SGPP1: variants seen among roughly 807,000 people sequenced by gnomAD.
SGPP1 encodes sphingosine-1-phosphate phosphatase 1.
In SGPP1, 21 loss-of-function variants were observed where a neutral mutation model predicts 33.0. The ratio of observed to expected loss-of-function variants is 0.64; its 90% CI spans 0.45 to 0.92. The LOEUF (loss-of-function observed/expected upper bound fraction) is 0.92, where lower values mean the gene tolerates loss of function less well. SGPP1 is among the 40% of genes least tolerant of loss of function. The probability of loss-of-function intolerance (pLI) is 0.00; values close to 1 mark genes in which losing one functional copy is unlikely to be tolerated. For missense variants in SGPP1, 543 were observed against 589.4 expected (o/e 0.92, Z 0.81); for synonymous variants, 239 against 241.2 (o/e 0.99, Z 0.08).
chr14:63,727,526 T>G lies in SGPP1; in HGVS notation c.419A>C (p.Asn140Thr). 1 of 1,614,036 alleles carries G rather than the reference T, an allele frequency of 6.2e-7. No individual in the cohort carries two copies. Among genetic ancestry groups the G allele is most frequent in the Non-Finnish European group, 8.5e-7 (1 of 1,180,002 alleles). ...CLFCFGTELG[N>T]ELFYILFFPF... is the part of the protein sequence containing the mutation. ...GAAGAACAGGATGTAGAAGAGTTCG[T>G]TGCCCAGCTCCGTGCCGAAGCAGAA... Residue 140 changes from asparagine to threonine, a missense_variant, in exon 1 of 3, where the codon AAC becomes ACC. Physicochemically the swap from Asn to Thr is moderately conservative, Grantham distance 65. Transcript: ENST00000247225.
chr14:63,686,290 C>G lies in SGPP1; in HGVS notation c.1141G>C (p.Asp381His), dbSNP rs1333400431. The G allele has an allele frequency of 1.9e-6, 3 of 1,614,058 alleles. No individual in the cohort carries two copies. The South Asian group carries it at 3.3e-5, about 18-fold the overall frequency. ...GGAATGGTGATCTTTTTCATTACAT[C>G]TCTGATTATTAGTACAAATACCATC... ...IGMVFVLIIR[D>H]VMKKITIPLA... The change falls in exon 3 of 3, where the codon GAT becomes CAT. Residue 381 changes from aspartate (D) to histidine (H), a missense_variant. Coordinates refer to ENST00000247225, the MANE Select transcript of SGPP1 (RefSeq NM_030791.4).
At chr14:63,710,285 A>G (rs1177916305) in intron 1 of SGPP1, among the ~76,000 whole-genome samples, 1 of 152,246 alleles carries the variant, frequency 6.6e-6, no homozygotes, top group Non-Finnish European at 1.5e-5. Context: ...CTAAGGACAT[A>G]GAAATGTGGG....
In SGPP1 at chr14:63,686,243, A is replaced by G; in HGVS notation, c.1188T>C (p.Asn396=). The change falls in exon 3 of 3, where the codon AAT becomes AAC. Residue 396 remains asparagine (N), a synonymous_variant. Coordinates refer to ENST00000247225, the MANE Select transcript of SGPP1 (RefSeq NM_030791.4). The part of the protein sequence containing the change: ...ITIPLACKIF[N]IPCDDIRKAR... ...CTTTTCGAATATCATCACACGGTATATTGAAGATTTTGCAGGCTAAAGGAA... is the reference window on the plus strand; with the variant it reads ...CTTTTCGAATATCATCACACGGTATGTTGAAGATTTTGCAGGCTAAAGGAA... The G allele has an allele frequency of 6.2e-7, 1 of 1,614,168 alleles. No individual in the cohort carries two copies. The highest frequency in any genetic ancestry group is 1.3e-5 in the African/African-American group (1 of 75,056).
intron 1 of SGPP1, among the ~76,000 whole-genome samples, chr14:63,699,813 C>T (rs1395916429): frequency 1.3e-5 from 2 of 149,286 alleles, no homozygotes; most frequent in East Asian, 4.2e-4. Context: ...ACTCTAAATA[C>T]CCTCGATAGT....
At chr14:63,726,470 T>C (rs1206567650) in intron 1 of SGPP1, among the ~76,000 whole-genome samples, 1 of 152,168 alleles carries the variant, frequency 6.6e-6, no homozygotes, top group Non-Finnish European at 1.5e-5. Context: ...TTTTCCTGAT[T>C]GTCAGGCTGA....
At chr14:63,692,484 G>T (rs528246310) in intron 2 of SGPP1, among the ~76,000 whole-genome samples, 2 of 151,260 alleles carry the variant, frequency 1.3e-5, no homozygotes, top group Non-Finnish European at 2.9e-5. Context: ...AGGTCTTGCC[G>T]TGTCATTCAG....
chr14:63,687,085 G>C (rs1283286447), intron 2 of SGPP1, among the ~76,000 whole-genome samples: 1 of 152,016 alleles, frequency 6.6e-6, no homozygotes, highest in Non-Finnish European at 1.5e-5. Flanking sequence ...TTCATTCATT[G>C]AACAAATATT....
At chr14:63,698,680 ATTAG>A (rs1487674524) in intron 1 of SGPP1, 22 bp from the exon 2 acceptor site, 1 of 1,352,172 alleles carries the variant, frequency 7.4e-7, no homozygotes, top group East Asian at 2.3e-5. Context: ...AAAAAGTAAA[ATTAG>A]TTAAACAAAT....
Position 63,686,048 on chromosome 14 carries a change from A to AT in SGPP1, c.*56dup. The AT allele has an allele frequency of 9.5e-7, 1 of 1,053,976 alleles. No homozygotes were observed. Among genetic ancestry groups the AT allele is most frequent in the Non-Finnish European group, 1.3e-6 (1 of 746,208 alleles). 65.3% of individuals were successfully genotyped at this position (1,053,976 alleles called of 1,614,324 possible). The stretch of plus-strand genomic sequence containing the variant: ...TCTGACCTGGCTTTACCTGGAATAT[A>AT]TTTTTGGGTATCAGTAACTGATACC... On this transcript the variant is annotated 3_prime_UTR_variant, in exon 3 of 3. Transcript: ENST00000247225.
rs141458752 is a variant in SGPP1 at position 63,707,605 on chromosome 14, G to A, written c.685-8947C>T. Among the ~76,000 whole-genome samples, 1,117 of 150,052 alleles carry A rather than the reference G, an allele frequency of 7.4e-3. 12 individuals carry two copies. The highest frequency in any genetic ancestry group is 0.026 in the African/African-American group (1,067 of 40,748). On this transcript the variant is annotated intron_variant, in intron 1 of 2. Transcript: ENST00000247225. ...GGCTGGAGTGCAATGGCGCGATCTCGGCTCACCGCAACCTCCGCCTCCCGG... is the reference window on the plus strand; with the variant it reads ...GGCTGGAGTGCAATGGCGCGATCTCAGCTCACCGCAACCTCCGCCTCCCGG...
At chr14:63,717,373 G>A (rs1160049538) in intron 1 of SGPP1, among the ~76,000 whole-genome samples, 1 of 149,016 alleles carries the variant, frequency 6.7e-6, no homozygotes, top group Non-Finnish European at 1.5e-5. Flanking sequence ...GGAGTGCTGT[G>A]GCATGATATC....
At chr14:63,698,894 T>G (rs1885243225) in intron 1 of SGPP1, among the ~76,000 whole-genome samples, 1 of 152,228 alleles carries the variant, frequency 6.6e-6, no homozygotes, top group African/African-American at 2.4e-5. Context: ...TTCTTTATTG[T>G]GGGAACTGGC....
At chr14:63,704,962 T>C (rs1317836201) in intron 1 of SGPP1, among the ~76,000 whole-genome samples, 1 of 151,734 alleles carries the variant, frequency 6.6e-6, no homozygotes, top group Non-Finnish European at 1.5e-5. Context: ...CCTGTCTCTA[T>C]GAAAAATACA....
At chr14:63,704,859 C>G (rs1028128785) in intron 1 of SGPP1, among the ~76,000 whole-genome samples, 2 of 152,192 alleles carry the variant, frequency 1.3e-5, no homozygotes, top group Admixed American at 6.5e-5. Flanking sequence ...GGTGTGGCGG[C>G]TCAGGCCTGT....
rs759309325 is a variant in SGPP1 at position 63,727,833 on chromosome 14, C to G, written c.112G>C (p.Asp38His). The G allele has an allele frequency of 1.9e-4, 280 of 1,511,254 alleles. No homozygotes were observed. Among genetic ancestry groups the G allele is most frequent in the Middle Eastern group, 3.6e-4 (2 of 5,512 alleles). The allele number at this position is 1,511,254 out of a possible 1,614,324, so 93.6% of individuals were successfully genotyped here. ...TCCGCTTTCTCATCCTCCCTCCGGT[C>G]TGCTGAGCGGCGCGGCGGCGCTTCC... is the stretch of plus-strand genomic sequence containing the variant. ...GVEAPPRRSADRREDEKAEAP... is the reference protein window; with the variant it reads ...GVEAPPRRSAHRREDEKAEAP... The change falls in exon 1 of 3, where the codon GAC becomes CAC. Residue 38 changes from aspartate (D) to histidine (H), a missense_variant. Transcript: ENST00000247225.
intron 1 of SGPP1, among the ~76,000 whole-genome samples, chr14:63,726,459 A>G (rs202172882): frequency 6.6e-6 from 1 of 151,526 alleles, no homozygotes; most frequent in East Asian, 1.9e-4. Context: ...AAAAAAAAAA[A>G]TTTTCCTGAT....
chr14:63,723,643 G>A (rs188377490), intron 1 of SGPP1, among the ~76,000 whole-genome samples: 14 of 151,822 alleles, frequency 9.2e-5, no homozygotes, highest in Admixed American at 5.9e-4. Context: ...CGCTTGAACC[G>A]GGGAGGCAGA....
At chr14:63,691,877 A>G (rs1885099791) in intron 2 of SGPP1, among the ~76,000 whole-genome samples, 1 of 152,218 alleles carries the variant, frequency 6.6e-6, no homozygotes, top group African/African-American at 2.4e-5. Flanking sequence ...ATAAGTAAGC[A>G]GGAAATAAAT....
chr14:63,713,950 C>T (rs1885571592), intron 1 of SGPP1, among the ~76,000 whole-genome samples: 1 of 152,158 alleles, frequency 6.6e-6, no homozygotes, highest in Non-Finnish European at 1.5e-5. Flanking sequence ...TTGGCATGCA[C>T]CATCTAATCT....
Sources: gnomAD v4.1 joint callset for allele counts (sites outside exome capture counted in the v4.1 genomes callset) on GRCh38, gnomAD v4.1.1 for gene constraint, MANE v1.5 for transcripts, NCBI Gene and HGNC (gene_info 2026-07-23, HGNC 2026-07-21) for gene names.